ZNF423: variants seen among roughly 807,000 people sequenced by gnomAD.
ZNF423 encodes Ebf-associated zinc finger protein.
Under a neutral mutation model 95.8 loss-of-function variants are expected in ZNF423, and 12 were observed. The observed-to-expected ratio is 0.13, with a 90% CI of 0.08 to 0.20. The LOEUF (loss-of-function observed/expected upper bound fraction) is 0.20. ZNF423 is among the 10% of genes least tolerant of loss of function. The pLI is 1.00. For missense variants in ZNF423, 1,316 were observed against 1,737.1 expected (o/e 0.76, Z 4.31); for synonymous variants, 749 against 711.9 (o/e 1.05, Z -0.83).
At chr16:49,832,847 C>T (rs1000406451) in intron 1 of ZNF423, among the ~76,000 whole-genome samples, 13 of 152,016 alleles carry the variant, frequency 8.6e-5, no homozygotes, top group African/African-American at 2.9e-4. Context: ...AAGCCTGAAA[C>T]GGGGACCTTG....
intron 1 of ZNF423, among the ~76,000 whole-genome samples, chr16:49,845,519 T>G (rs554736968): frequency 6.6e-6 from 1 of 151,678 alleles, no homozygotes; most frequent in East Asian, 1.9e-4. Flanking sequence ...CCACCACGGC[T>G]CCCATTTTTG....
At chr16:49,733,687 C>T (rs2033221605) in intron 2 of ZNF423, among the ~76,000 whole-genome samples, 1 of 152,198 alleles carries the variant, frequency 6.6e-6, no homozygotes, top group Admixed American at 6.5e-5. Flanking sequence ...GGACCTCATC[C>T]TCTGGGCTCC....
At chr16:49,620,165 C>A (rs1187340079) in intron 5 of ZNF423, among the ~76,000 whole-genome samples, 2 of 150,612 alleles carry the variant, frequency 1.3e-5, no homozygotes, top group African/African-American at 4.9e-5. Context: ...ACACACACCA[C>A]ACACACACAA....
chr16:49,709,651 TA>T (rs929748738), intron 3 of ZNF423, among the ~76,000 whole-genome samples: 1 of 152,192 alleles, frequency 6.6e-6, no homozygotes. Context: ...ATGATGGTAT[TA>T]AGAAGTGGGG....
intron 1 of ZNF423, among the ~76,000 whole-genome samples, chr16:49,836,832 CAA>C (rs1243263823): frequency 6.6e-6 from 1 of 152,128 alleles, no homozygotes; most frequent in East Asian, 1.9e-4. Context: ...GGACAGGATA[CAA>C]AGAGAGGTCT....
intron 1 of ZNF423, among the ~76,000 whole-genome samples, chr16:49,805,952 C>T (rs1489371179): frequency 6.6e-6 from 1 of 152,242 alleles, no homozygotes; most frequent in Non-Finnish European, 1.5e-5. Flanking sequence ...TCTGGGGAAC[C>T]GCCTGCCTGG....
At chr16:49,572,713 C>T (rs1179904258) in intron 5 of ZNF423, among the ~76,000 whole-genome samples, 2 of 152,096 alleles carry the variant, frequency 1.3e-5, no homozygotes, top group Non-Finnish European at 2.9e-5. Context: ...GCTCAAGGAA[C>T]TGTGAGGAAG....
At chr16:49,719,918 C>T (rs559583717) in intron 3 of ZNF423, among the ~76,000 whole-genome samples, 2 of 152,306 alleles carry the variant, frequency 1.3e-5, no homozygotes, top group East Asian at 3.9e-4. Context: ...TTCAGAGTTG[C>T]CTCTCAACAC....
chr16:49,645,181 A>G (rs1973128742), intron 3 of ZNF423, among the ~76,000 whole-genome samples: 1 of 152,214 alleles, frequency 6.6e-6, no homozygotes. Context: ...AAGCTTTGTA[A>G]TACACCAAGC....
intron 3 of ZNF423, among the ~76,000 whole-genome samples, chr16:49,649,537 C>T (rs1442567119): frequency 6.6e-6 from 1 of 151,852 alleles, no homozygotes; most frequent in Non-Finnish European, 1.5e-5. Context: ...GTAGAGGTAC[C>T]CAGCATTCTT....
chr16:49,690,296 C>T (rs891340937), intron 3 of ZNF423, among the ~76,000 whole-genome samples: 3 of 152,058 alleles, frequency 2.0e-5, no homozygotes, highest in Non-Finnish European at 4.4e-5. Context: ...ACTGGGAGGC[C>T]GAGGCAGGAG....
At chr16:49,595,467 T>C (rs1042229422) in intron 5 of ZNF423, among the ~76,000 whole-genome samples, 3 of 152,228 alleles carry the variant, frequency 2.0e-5, no homozygotes. Flanking sequence ...TTAGCCTGAC[T>C]GATTAATAGG....
chr16:49,557,781 C>A (rs752436978), intron 5 of ZNF423, among the ~76,000 whole-genome samples: 1 of 152,160 alleles, frequency 6.6e-6, no homozygotes, highest in Admixed American at 6.5e-5. Context: ...AGGATGAGCA[C>A]GCAGGAGGCC....
intron 3 of ZNF423, among the ~76,000 whole-genome samples, chr16:49,715,669 CAGG>C (rs1177052656): frequency 1.3e-5 from 2 of 151,946 alleles, no homozygotes; most frequent in African/African-American, 2.4e-5. Context: ...GGCTTGAGCC[CAGG>C]AGTTCAAGGC....
intron 2 of ZNF423, among the ~76,000 whole-genome samples, chr16:49,757,384 T>C (rs780616191): frequency 1.2e-4 from 18 of 152,282 alleles, no homozygotes; most frequent in Non-Finnish European, 2.2e-4. Context: ...CCTGTTCCCA[T>C]GTAGAGAAGA....
At chr16:49,773,550 C>T (rs1377008977) in intron 2 of ZNF423, among the ~76,000 whole-genome samples, 1 of 152,166 alleles carries the variant, frequency 6.6e-6, no homozygotes, top group Admixed American at 6.5e-5. Flanking sequence ...ACTGCAATTG[C>T]CAATCCCTTT....
At chr16:49,533,282 G>A (rs28690823) in intron 5 of ZNF423, among the ~76,000 whole-genome samples, 6,079 of 152,220 alleles carry the variant, frequency 0.04, 431 homozygotes, top group African/African-American at 0.14. Context: ...AATGGGATTC[G>A]GGGAACGAAG....
At chr16:49,498,485 C>T (rs969199213) in intron 7 of ZNF423, among the ~76,000 whole-genome samples, 3 of 152,208 alleles carry the variant, frequency 2.0e-5, no homozygotes, top group African/African-American at 4.8e-5. Context: ...GATGAGGCTC[C>T]TTGATGCCAG....
chr16:49,670,104 C>G (rs2030739896), intron 3 of ZNF423, among the ~76,000 whole-genome samples: 1 of 152,194 alleles, frequency 6.6e-6, no homozygotes, highest in Admixed American at 6.5e-5. Context: ...AGGCTCACGC[C>G]AGGGCTGGAT....
Sources: gnomAD v4.1 joint callset for allele counts (sites outside exome capture counted in the v4.1 genomes callset) on GRCh38, gnomAD v4.1.1 for gene constraint, MANE v1.5 for transcripts, NCBI Gene and HGNC (gene_info 2026-07-23, HGNC 2026-07-21) for gene names.